Variants in HNF4G observed in about 807,000 individuals in gnomAD.
The protein encoded by HNF4G is hepatocyte nuclear factor 4 gamma.
HNF4G carries 21 observed loss-of-function variants against 50.9 expected under a neutral mutation model. The observed-to-expected ratio is 0.41, with a 90% CI of 0.29 to 0.59. The LOEUF (loss-of-function observed/expected upper bound fraction) is 0.59. Among genes scored for constraint, HNF4G ranks in the 20% least tolerant of loss-of-function variants. HNF4G has a pLI of 0.26. For synonymous variants in HNF4G, 198 were observed against 185.6 expected (o/e 1.07, Z -0.54); for missense variants, 527 against 559.4 (o/e 0.94, Z 0.58).
At chr8:75,433,597 C>T (rs1035401386) in intron 1 of HNF4G, among the ~76,000 whole-genome samples, 1 of 152,054 alleles carries the variant, frequency 6.6e-6, no homozygotes, top group African/African-American at 2.4e-5. Flanking sequence ...GATCTCACTA[C>T]TGTGTTGCAC....
chr8:75,489,099 G>C (rs1317216018), intron 1 of HNF4G, among the ~76,000 whole-genome samples: 1 of 152,106 alleles, frequency 6.6e-6, no homozygotes, highest in Non-Finnish European at 1.5e-5. Context: ...AGCCACAATA[G>C]CATCTCATAT....
rs73347022 is a variant in HNF4G at position 75,510,475 on chromosome 8, C to T, written c.-24+20267C>T. Among the ~76,000 whole-genome samples the T allele has an allele frequency of 7.7e-3, 1,170 of 152,322 alleles. 15 individuals carry two copies. The highest frequency in any genetic ancestry group is 0.027 in the African/African-American group (1,112 of 41,554). On this transcript the variant is annotated intron_variant, in intron 2 of 10. Transcript: ENST00000354370. ...CACACACTCACTGACTTACCCAGAGCAACTTCCACTGTTGCCAAGTTCCCT... is the reference window on the plus strand; with the variant it reads ...CACACACTCACTGACTTACCCAGAGTAACTTCCACTGTTGCCAAGTTCCCT...
intron 1 of HNF4G, among the ~76,000 whole-genome samples, chr8:75,480,412 C>A (rs1339559947): frequency 6.6e-6 from 1 of 152,164 alleles, no homozygotes; most frequent in African/African-American, 2.4e-5. Context: ...CTCTCTGATA[C>A]TTAGTTTGAA....
intron 1 of HNF4G, among the ~76,000 whole-genome samples, chr8:75,409,237 C>T (rs949125922): frequency 6.6e-6 from 1 of 151,970 alleles, no homozygotes; most frequent in African/African-American, 2.4e-5. Flanking sequence ...AATTGAGAGC[C>T]GTTTGTCTTC....
intron 1 of HNF4G, among the ~76,000 whole-genome samples, chr8:75,409,060 C>G (rs1413335194): frequency 6.6e-6 from 1 of 152,170 alleles, no homozygotes; most frequent in Admixed American, 6.5e-5. Flanking sequence ...CTTTTCATGT[C>G]CTGTGGATAC....
At chr8:75,419,114 T>C (rs1810717719) in intron 1 of HNF4G, among the ~76,000 whole-genome samples, 1 of 152,190 alleles carries the variant, frequency 6.6e-6, no homozygotes, top group South Asian at 2.1e-4. Context: ...TTTGAGTCAA[T>C]GATAGTGTTT....
rs1812062441 is a variant in HNF4G, at chr8:75,469,350, C to G, written c.-143-20739C>G. Among the ~76,000 whole-genome samples, 5 of 152,226 alleles carry G rather than the reference C, an allele frequency of 3.3e-5. No homozygotes were observed. The South Asian group carries it at 1.0e-3, about 32-fold the overall frequency. On this transcript the variant is annotated intron_variant, in intron 1 of 10. Transcript: ENST00000354370. Reference sequence around the variant, plus strand: ...ATAGCACAGGGTGTGGAGGTATAATCCTAGTACTAGGCACTGAGTAATTGC... The same window carrying G: ...ATAGCACAGGGTGTGGAGGTATAATGCTAGTACTAGGCACTGAGTAATTGC...
At chr8:75,435,238 C>A (rs986071560) in intron 1 of HNF4G, among the ~76,000 whole-genome samples, 11 of 152,236 alleles carry the variant, frequency 7.2e-5, no homozygotes, top group African/African-American at 2.6e-4. Context: ...GAAATGCAAA[C>A]TTGATTAAGC....
At chr8:75,497,240 G>C (rs114382518) in intron 2 of HNF4G, among the ~76,000 whole-genome samples, 3 of 152,058 alleles carry the variant, frequency 2.0e-5, no homozygotes, top group Non-Finnish European at 4.4e-5. Flanking sequence ...ATTTAATTTT[G>C]TCAAGCAGAG....
intron 9 of HNF4G, among the ~76,000 whole-genome samples, chr8:75,562,521 G>A (rs1385785949): frequency 6.6e-6 from 1 of 152,102 alleles, no homozygotes; most frequent in Non-Finnish European, 1.5e-5. Context: ...TTATGGAGTT[G>A]TGTCTCTTAA....
intron 1 of HNF4G, among the ~76,000 whole-genome samples, chr8:75,461,873 TA>T (rs984443207): frequency 1.3e-3 from 110 of 87,850 alleles, no homozygotes; most frequent in African/African-American, 2.5e-3. Context: ...ATGGTCTCTT[TA>T]AAAAAAAATA....
chr8:75,429,995 T>C (rs1025938503), intron 1 of HNF4G, among the ~76,000 whole-genome samples: 3 of 151,636 alleles, frequency 2.0e-5, no homozygotes, highest in South Asian at 2.1e-4. Flanking sequence ...ACTAAAAATA[T>C]AAAAAATTAG....
chr8:75,465,403 CAAAGGCATAAG>C (rs1483453824), intron 1 of HNF4G, among the ~76,000 whole-genome samples: 1 of 152,028 alleles, frequency 6.6e-6, no homozygotes, highest in East Asian at 1.9e-4. Flanking sequence ...CTATGCCAAT[CAAAGGCATAAG>C]AAAGTCAAGA....
Position 75,410,111 on chromosome 8 carries a change from T to G in HNF4G, c.-144+1949T>G, listed in dbSNP as rs146662509. ...GTGTCTACCCAATGTAACCAGCCAG[T>G]GTCCCTCAGAATATTCGCTTGGATT... On this transcript the variant is annotated intron_variant, in intron 1 of 10. Transcript: ENST00000354370. 1.8e-3 allele frequency among the ~76,000 whole-genome samples: 279 copies of G among 152,326 alleles called. 1 individual carries two copies. Among genetic ancestry groups the G allele is most frequent in the African/African-American group, 6.4e-3 (267 of 41,578 alleles).
chr8:75,556,265 T>G (rs1563554050), intron 6 of HNF4G, among the ~76,000 whole-genome samples, 196 bp downstream of exon 6: 1 of 152,076 alleles, frequency 6.6e-6, no homozygotes, highest in Non-Finnish European at 1.5e-5. Flanking sequence ...TCAGAGTCCA[T>G]GAGACAATCA....
At chr8:75,535,847 A>T (rs1806450285), upstream of HNF4G, among the ~76,000 whole-genome samples, 1 of 152,068 alleles carries the variant, frequency 6.6e-6, no homozygotes, top group African/African-American at 2.4e-5. Flanking sequence ...TCTTCCAGAT[A>T]AGATAGAAAT....
chr8:75,432,712 A>G (rs1002424266), intron 1 of HNF4G, among the ~76,000 whole-genome samples: 4 of 152,178 alleles, frequency 2.6e-5, no homozygotes, highest in Non-Finnish European at 4.4e-5. Flanking sequence ...CCTGGTATTC[A>G]TGGCTTTTTT....
chr8:75,528,176 CA>C (rs940882207), intron 2 of HNF4G, among the ~76,000 whole-genome samples: 17 of 152,088 alleles, frequency 1.1e-4, no homozygotes, highest in Non-Finnish European at 2.4e-4. Context: ...AAAATGAGGG[CA>C]AGTCCATGGA....
intron 1 of HNF4G, among the ~76,000 whole-genome samples, chr8:75,471,623 T>C (rs1418185702): frequency 1.3e-5 from 2 of 152,178 alleles, no homozygotes; most frequent in African/African-American, 4.8e-5. Flanking sequence ...TAATTTCCAA[T>C]TTATCTTTCT....
Sources: allele counts gnomAD v4.1 joint callset (sites outside exome capture counted in the v4.1 genomes callset), GRCh38; gene constraint gnomAD v4.1.1; transcripts MANE v1.5; gene names NCBI Gene and HGNC (gene_info 2026-07-23, HGNC 2026-07-21).